The following GLCCI1 variants were observed in gnomAD, a reference collection of about 807,000 sequenced individuals.
The protein encoded by GLCCI1 is glucocorticoid induced 1.
In GLCCI1, 24 loss-of-function variants were observed where a neutral mutation model predicts 52.2. The ratio of observed to expected loss-of-function variants is 0.46; its 90% CI spans 0.33 to 0.65. The LOEUF (loss-of-function observed/expected upper bound fraction) is 0.65. GLCCI1 is among the 30% of genes least tolerant of loss of function. GLCCI1 has a pLI of 0.02. For synonymous variants in GLCCI1, 310 were observed against 276.5 expected (o/e 1.12, Z -1.20); for missense variants, 704 against 701.5 (o/e 1.00, Z -0.04).
intron 3 of GLCCI1, among the ~76,000 whole-genome samples, chr7:8,048,409 C>G (rs1219313969): frequency 6.6e-6 from 1 of 151,598 alleles, no homozygotes; most frequent in Non-Finnish European, 1.5e-5. Context: ...GAAACTCTCA[C>G]CAATTTTTTT....
At chr7:8,078,208 T>TAAAAAAA (rs5882151) in intron 6 of GLCCI1, among the ~76,000 whole-genome samples, 1 of 86,234 alleles carries the variant, frequency 1.2e-5, no homozygotes, top group Non-Finnish European at 2.2e-5. Context: ...GACTCCGTCT[T>TAAAAAAA]AAAAAAAAAA....
intron 1 of GLCCI1, among the ~76,000 whole-genome samples, chr7:7,989,254 T>TTGGA (rs1780794487): frequency 6.6e-6 from 1 of 151,704 alleles, no homozygotes; most frequent in African/African-American, 2.4e-5. Flanking sequence ...GCTGATGCTA[T>TTGGA]TGGAGCCACC....
intron 1 of GLCCI1, among the ~76,000 whole-genome samples, chr7:7,995,891 A>G (rs1017988966): frequency 3.9e-5 from 6 of 152,200 alleles, no homozygotes; most frequent in African/African-American, 1.4e-4. Context: ...CCTAGAACTT[A>G]AAGTATAATA....
At chr7:8,037,570 G>A (rs946769898) in intron 3 of GLCCI1, among the ~76,000 whole-genome samples, 1 of 152,050 alleles carries the variant, frequency 6.6e-6, no homozygotes, top group Non-Finnish European at 1.5e-5. Flanking sequence ...ACATAAATGG[G>A]TTAAATGCTC....
rs747247524 is a variant in GLCCI1, at chr7:8,086,298, C to T, written c.1404C>T (p.Pro468=). The stretch of plus-strand genomic sequence containing the variant: ...TCTGTCCTGTAAAACTTCTAGGCCC[C>T]CTCTTACCTGCTTCTGACCTTATGC... ...SAFCPVKLLG[P]LLPASDLMLK... Residue 468 remains proline (P), a synonymous_variant, in exon 8 of 8, where the codon CCC becomes CCT. Coordinates refer to ENST00000223145, the MANE Select transcript of GLCCI1 (RefSeq NM_138426.4). The surrounding 1 kb of genome is among the most constrained non-coding windows in gnomAD (Gnocchi z 4.4). 6.2e-7 allele frequency: 1 copy of T among 1,614,086 alleles called. No homozygotes were observed. Among genetic ancestry groups the T allele is most frequent in the South Asian group, 1.1e-5 (1 of 91,082 alleles).
intron 3 of GLCCI1, among the ~76,000 whole-genome samples, chr7:8,053,304 T>G (rs571141696): frequency 2.5e-5 from 3 of 119,184 alleles, no homozygotes; most frequent in South Asian, 2.5e-4. Flanking sequence ...GTTTTGTTTT[T>G]TTTTGTTTTC....
intron 1 of GLCCI1, among the ~76,000 whole-genome samples, chr7:7,989,711 A>G (rs143943011): frequency 8.5e-5 from 13 of 152,226 alleles, no homozygotes; most frequent in African/African-American, 2.9e-4. Flanking sequence ...TTGTAAGTAG[A>G]TATACTAGGT....
Position 7,969,214 on chromosome 7 carries a change from T to C in GLCCI1, c.-137T>C. The stretch of plus-strand genomic sequence containing the variant: ...CGTTGGGGAGGGGGAGCCCCGAGAC[T>C]CCTCCCCCACAGCGATACCCCCGCC... On this transcript the variant is annotated 5_prime_UTR_variant, in exon 1 of 8. Coordinates refer to ENST00000223145, the MANE Select transcript of GLCCI1 (RefSeq NM_138426.4). This position sits in a 1 kb window ranked among gnomAD's most constrained non-coding sequence, Gnocchi z 4.9. 1 of 667,508 alleles carries C rather than the reference T, an allele frequency of 1.5e-6. No individual in the cohort carries two copies. Among genetic ancestry groups the C allele is most frequent in the Non-Finnish European group, 1.9e-6 (1 of 515,824 alleles). 41.3% of individuals were successfully genotyped at this position (667,508 alleles called of 1,614,324 possible). A position where few individuals can be genotyped will look rare whatever the true frequency, so the allele number is the denominator to read the frequency against.
intron 2 of GLCCI1, among the ~76,000 whole-genome samples, chr7:8,009,605 T>C (rs1490258512): frequency 6.6e-6 from 1 of 152,202 alleles, no homozygotes; most frequent in African/African-American, 2.4e-5. Flanking sequence ...GCATTCTCTC[T>C]GACAGGGAAG....
At chr7:7,995,971 A>C (rs1344870583) in intron 1 of GLCCI1, among the ~76,000 whole-genome samples, 1 of 152,182 alleles carries the variant, frequency 6.6e-6, no homozygotes, top group Non-Finnish European at 1.5e-5. Flanking sequence ...CTATTTTATA[A>C]CCTTTGTTGT....
chr7:8,001,608 T>C (rs1781050097), intron 1 of GLCCI1, among the ~76,000 whole-genome samples: 1 of 152,218 alleles, frequency 6.6e-6, no homozygotes, highest in African/African-American at 2.4e-5. Context: ...ACTGGGTGTA[T>C]ACCCAAAGGA....
chr7:8,065,543 T>C (rs192814520), intron 5 of GLCCI1, among the ~76,000 whole-genome samples: 5 of 152,310 alleles, frequency 3.3e-5, no homozygotes, highest in Middle Eastern at 3.4e-3. Context: ...TGGGTTTTTC[T>C]TGGATGGCTC....
intron 3 of GLCCI1, among the ~76,000 whole-genome samples, chr7:8,023,918 G>T (rs1583980385): frequency 6.6e-6 from 1 of 152,132 alleles, no homozygotes; most frequent in East Asian, 1.9e-4. Context: ...CTTAGTGATG[G>T]AAACTCACTA....
intron 3 of GLCCI1, among the ~76,000 whole-genome samples, chr7:8,037,089 T>C (rs2191320): frequency 0.21 from 20,447 of 96,244 alleles, 1,529 homozygotes; most frequent in East Asian, 0.28. Context: ...TCGACCAAAA[T>C]AGTCTTCAGA....
intron 5 of GLCCI1, among the ~76,000 whole-genome samples, chr7:8,068,589 C>T (rs1782685004): frequency 6.6e-6 from 1 of 152,128 alleles, no homozygotes; most frequent in Non-Finnish European, 1.5e-5. Flanking sequence ...TTGCTTTCTT[C>T]TGAATCTTGA....
intron 3 of GLCCI1, among the ~76,000 whole-genome samples, chr7:8,034,465 G>T (rs1296160101): frequency 6.6e-6 from 1 of 152,100 alleles, no homozygotes; most frequent in Non-Finnish European, 1.5e-5. Flanking sequence ...AGCAAATCAT[G>T]TATTTGATAA....
At chr7:8,053,612 A>G (rs1413011594) in intron 3 of GLCCI1, among the ~76,000 whole-genome samples, 1 of 151,502 alleles carries the variant, frequency 6.6e-6, no homozygotes, top group Non-Finnish European at 1.5e-5. Flanking sequence ...GGTGTGAGCC[A>G]CTGCACCCAG....
At chr7:8,059,277 C>T (rs1187099106) in intron 4 of GLCCI1, among the ~76,000 whole-genome samples, 1 of 152,184 alleles carries the variant, frequency 6.6e-6, no homozygotes, top group Non-Finnish European at 1.5e-5. Flanking sequence ...TGAGCAGCAA[C>T]TCACAGTTGG....
intron 1 of GLCCI1, among the ~76,000 whole-genome samples, chr7:7,998,331 T>G (rs2115422370): frequency 6.6e-6 from 1 of 152,230 alleles, no homozygotes; most frequent in Middle Eastern, 3.4e-3. Context: ...TTCACCTGCC[T>G]CAGCCTCCTG....
Sources: gnomAD v4.1 joint callset for allele counts (sites outside exome capture counted in the v4.1 genomes callset) on GRCh38, gnomAD v4.1.1 for gene constraint, Gnocchi (gnomAD v3.1) non-coding constraint, MANE v1.5 for transcripts, NCBI Gene and HGNC (gene_info 2026-07-23, HGNC 2026-07-21) for gene names.